The following TNFRSF1A variants were observed in gnomAD, a reference collection of about 807,000 sequenced individuals.
The protein encoded by TNFRSF1A is TNF receptor superfamily member 1A, also known as tumor necrosis factor receptor superfamily member 1A.
TNFRSF1A carries 9 observed loss-of-function variants against 41.6 expected under a neutral mutation model. The observed-to-expected ratio is 0.22, with a 90% CI of 0.13 to 0.38. The LOEUF (loss-of-function observed/expected upper bound fraction) is 0.38, where lower values mean the gene tolerates loss of function less well. Ranked by LOEUF, TNFRSF1A falls within the 10% of genes least tolerant of loss-of-function variation. The probability of loss-of-function intolerance (pLI) is 1.00; values close to 1 mark genes in which losing one functional copy is unlikely to be tolerated. For synonymous variants in TNFRSF1A, 254 were observed against 248.6 expected, an observed-to-expected ratio of 1.02 and a Z score of -0.21; for missense variants, 463 against 591.5, an observed-to-expected ratio of 0.78 and a Z score of 2.25.
rs958737711 is a variant in TNFRSF1A at position 6,337,361 on chromosome 12, C to G, written c.40-3117G>C. On this transcript the variant is annotated intron_variant, in intron 1 of 9. Coordinates refer to ENST00000162749, the MANE Select transcript of TNFRSF1A (RefSeq NM_001065.4). This position sits in a 1 kb window ranked among gnomAD's most constrained non-coding sequence, Gnocchi z 4.6. The stretch of plus-strand genomic sequence containing the variant: ...GCCCAACACCCCTCCAACTCCCCCA[C>G]AATTTCCGCCAGAGGAGGCTTTAAA... Among the ~76,000 whole-genome samples the G allele has an allele frequency of 2.6e-5, 4 of 152,230 alleles. No individual in the cohort carries two copies. The highest frequency in any genetic ancestry group is 9.6e-5 in the African/African-American group (4 of 41,464).
intron 1 of TNFRSF1A, among the ~76,000 whole-genome samples, chr12:6,340,282 C>G (rs1948177978): frequency 6.6e-6 from 1 of 152,176 alleles, no homozygotes; most frequent in Admixed American, 6.5e-5. Flanking sequence ...TCAGTCTATT[C>G]AATCTTCAAA....
chr12:6,329,536 C>G lies in TNFRSF1A; in HGVS notation c.1144G>C (p.Asp382His), dbSNP rs761189519. The G allele has an allele frequency of 6.3e-7, 1 of 1,594,502 alleles. No homozygotes were observed. Among genetic ancestry groups the G allele is most frequent in the Non-Finnish European group, 8.5e-7 (1 of 1,177,844 alleles). ...AGCTCCAGCCGATCGATCTCGTGGTCGCTCAGCCCTAGGCGCCGCACGAAT... is the reference window on the plus strand; with the variant it reads ...AGCTCCAGCCGATCGATCTCGTGGTGGCTCAGCCCTAGGCGCCGCACGAAT... The part of the protein sequence containing the change: ...KEFVRRLGLS[D>H]HEIDRLELQN... Residue 382 changes from aspartate to histidine, a missense_variant, in exon 10 of 10, where the codon GAC (aspartate) becomes CAC (histidine). Physicochemically the swap from Asp to His is moderately conservative, Grantham distance 81. Transcript: ENST00000162749.
Position 6,334,217 on chromosome 12 carries a change from A to G in TNFRSF1A, c.67T>C (p.Tyr23His). Residue 23 changes from tyrosine (Y) to histidine (H), a missense_variant, in exon 2 of 10, where the codon TAC (tyrosine) becomes CAC (histidine). Tyr to His is a moderately conservative substitution (Grantham distance 83, BLOSUM62 2). Coordinates refer to ENST00000162749, the MANE Select transcript of TNFRSF1A (RefSeq NM_001065.4). This position sits in a 1 kb window ranked among gnomAD's most constrained non-coding sequence, Gnocchi z 5.1. The part of the protein sequence containing the change: ...LVLLELLVGI[Y>H]PSGVIGLVPH... ...ACCAGTCCAATAACCCCTGAGGGGT[A>G]TATTCCCACCAACAGCTCCAGGAGC... The G allele has an allele frequency of 6.2e-7, 1 of 1,613,830 alleles. No individual in the cohort carries two copies. Among genetic ancestry groups the G allele is most frequent in the Non-Finnish European group, 8.5e-7 (1 of 1,179,766 alleles).
chr12:6,331,349 G>T, intron 5 of TNFRSF1A: 1 of 287,728 alleles, frequency 3.5e-6, no homozygotes, highest in Non-Finnish European at 6.8e-6. Context: ...TTATGGGATT[G>T]TTGTTTCATC....
At chr12:6,340,833 A>G (rs373688522) in intron 1 of TNFRSF1A, among the ~76,000 whole-genome samples, 2 of 152,310 alleles carry the variant, frequency 1.3e-5, no homozygotes, top group African/African-American at 4.8e-5. Context: ...CCGGACCAAG[A>G]CGTGGAGGAC....
At position 6,341,121 on chromosome 12, in the gene TNFRSF1A, G is replaced by A. The variant is rs934641217; in HGVS notation, c.39+655C>T. Among the ~76,000 whole-genome samples the A allele has an allele frequency of 4.6e-5, 7 of 152,156 alleles. No homozygotes were observed. Among genetic ancestry groups the A allele is most frequent in the African/African-American group, 1.7e-4 (7 of 41,424 alleles). On this transcript the variant is annotated intron_variant, in intron 1 of 9. Transcript: ENST00000162749. The surrounding 1 kb of genome is among the most constrained non-coding windows in gnomAD (Gnocchi z 4.6). ...GGGTAAAGAATGTCCCCAGGTGAGA[G>A]GCCGGGGCTTGGCCAGGGCACTGGG...
Position 6,334,224 on chromosome 12 carries a change from C to A in TNFRSF1A, c.60G>T (p.Val20=), listed in dbSNP as rs778929455. 1 of 1,613,694 alleles carries A rather than the reference C, an allele frequency of 6.2e-7. No individual in the cohort carries two copies. Among genetic ancestry groups the A allele is most frequent in the Non-Finnish European group, 8.5e-7 (1 of 1,179,708 alleles). Reference sequence around the variant, plus strand: ...CAATAACCCCTGAGGGGTATATTCCCACCAACAGCTCCAGGAGCACCTGGG... The same window carrying A: ...CAATAACCCCTGAGGGGTATATTCCAACCAACAGCTCCAGGAGCACCTGGG... ...LLPLVLLELL[V]GIYPSGVIGL... is the part of the protein sequence containing the mutation. Residue 20 remains valine (V), a synonymous_variant, in exon 2 of 10, where the codon GTG becomes GTT. Transcript: ENST00000162749. The surrounding 1 kb of genome is among the most constrained non-coding windows in gnomAD (Gnocchi z 5.1).
intron 1 of TNFRSF1A, among the ~76,000 whole-genome samples, chr12:6,336,667 G>A (rs1172225478): frequency 6.6e-6 from 1 of 152,118 alleles, no homozygotes; most frequent in African/African-American, 2.4e-5. Flanking sequence ...TCAGGTCTGT[G>A]CCCTCCCTTC....
At position 6,329,317 on chromosome 12, in the gene TNFRSF1A, T is replaced by G. The variant is rs1236501292; in HGVS notation, c.1363A>C (p.Arg455=). 10 of 1,473,528 alleles carry G rather than the reference T, an allele frequency of 6.8e-6. No homozygotes were observed. The highest frequency in any genetic ancestry group is 8.9e-6 in the Non-Finnish European group (10 of 1,121,936). 91.3% of individuals were successfully genotyped at this position (1,473,528 alleles called of 1,614,324 possible). A position where few individuals can be genotyped will look rare whatever the true frequency, so the allele number is the denominator to read the frequency against. ...CTGCCCGCAGGGGCGCAGCCTCATC[T>G]GAGAAGACTGGGCGCGGGCGGGAGG... ...AALPPAPSLL[R] is the part of the protein sequence containing the mutation. The change falls in exon 10 of 10, where the codon AGA becomes CGA. Residue 455 remains arginine, a synonymous_variant. Transcript: ENST00000162749.
chr12:6,339,841 TCACACACA>T (rs57599695), intron 1 of TNFRSF1A, among the ~76,000 whole-genome samples: 36 of 113,738 alleles, frequency 3.2e-4, no homozygotes, highest in African/African-American at 1.2e-3. Context: ...TCTCTCTCTC[TCACACACA>T]CACACACACA....
chr12:6,330,419 G>A (rs1424264672), intron 7 of TNFRSF1A, 124 bp from the exon 8 acceptor site: 1 of 1,083,680 alleles, frequency 9.2e-7, no homozygotes, highest in African/African-American at 1.5e-5. Flanking sequence ...CCAGGGACGA[G>A]AGAGCTACTG....
Position 6,334,691 on chromosome 12 carries a change from G to A in TNFRSF1A, c.40-447C>T, listed in dbSNP as rs746122600. Among the ~76,000 whole-genome samples the A allele has an allele frequency of 6.6e-6, 1 of 152,002 alleles. No individual in the cohort carries two copies. Among genetic ancestry groups the A allele is most frequent in the South Asian group, 2.1e-4 (1 of 4,826 alleles). On this transcript the variant is annotated intron_variant, in intron 1 of 9. Coordinates refer to ENST00000162749, the MANE Select transcript of TNFRSF1A (RefSeq NM_001065.4). The surrounding 1 kb of genome is among the most constrained non-coding windows in gnomAD (Gnocchi z 5.1). The stretch of plus-strand genomic sequence containing the variant: ...TTTTTTTTATTTTTAGTAGAGGCAG[G>A]GTCTTGTTACGTTGCTCAGACTGGT...
At position 6,334,070 on chromosome 12, in the gene TNFRSF1A, A is replaced by G; in HGVS notation, c.193+21T>C. On this transcript the variant is annotated intron_variant, in intron 2 of 9. Coordinates refer to ENST00000162749, the MANE Select transcript of TNFRSF1A (RefSeq NM_001065.4). The surrounding 1 kb of genome is among the most constrained non-coding windows in gnomAD (Gnocchi z 5.1). ...CAGCACCCCAGACCTGAGGGCATTC[A>G]CCGTTTCCACTTGCCCCTACCTTTG... 2 of 1,614,144 alleles carry G rather than the reference A, an allele frequency of 1.2e-6. No individual in the cohort carries two copies. Among genetic ancestry groups the G allele is most frequent in the Non-Finnish European group, 1.7e-6 (2 of 1,180,006 alleles).
chr12:6,334,247 G>A lies in TNFRSF1A; in HGVS notation c.40-3C>T, dbSNP rs1313881595. ...CCCACCAACAGCTCCAGGAGCACCT[G>A]GGGAAGAATCAGATAGAGGAGACAC... On this transcript the variant is annotated splice_polypyrimidine_tract_variant and splice_region_variant and intron_variant, in intron 1 of 9. Transcript: ENST00000162749. The surrounding 1 kb of genome is among the most constrained non-coding windows in gnomAD (Gnocchi z 5.1). 8 of 1,612,682 alleles carry A rather than the reference G, an allele frequency of 5.0e-6. No individual in the cohort carries two copies. Among genetic ancestry groups the A allele is most frequent in the South Asian group, 2.2e-5 (2 of 91,030 alleles).
At position 6,330,048 on chromosome 12, in the gene TNFRSF1A, T is replaced by G; in HGVS notation, c.787A>C (p.Thr263Pro). ...PEKEGELEGT[T>P]TKPLAPNPSF... The stretch of plus-strand genomic sequence containing the variant: ...GGGTTTGGGGCCAGGGGCTTAGTAG[T>G]AGTTCCTTCAAGCTCCCCCTGAAAG... The change falls in exon 9 of 10, where the codon ACT becomes CCT. Residue 263 changes from threonine to proline, a missense_variant. Coordinates refer to ENST00000162749, the MANE Select transcript of TNFRSF1A (RefSeq NM_001065.4). 6.2e-7 allele frequency: 1 copy of G among 1,612,972 alleles called. No homozygotes were observed. Among genetic ancestry groups the G allele is most frequent in the Non-Finnish European group, 8.5e-7 (1 of 1,179,942 alleles).
At position 6,341,228 on chromosome 12, in the gene TNFRSF1A, C is replaced by T. The variant is rs1318530613; in HGVS notation, c.39+548G>A. ...CCTCCCACCATGAGCATCCCAAACCCACCACACCAGCCCATCCCCACTCCT... is the reference window on the plus strand; with the variant it reads ...CCTCCCACCATGAGCATCCCAAACCTACCACACCAGCCCATCCCCACTCCT... On this transcript the variant is annotated intron_variant, in intron 1 of 9. Transcript: ENST00000162749. This position sits in a 1 kb window ranked among gnomAD's most constrained non-coding sequence, Gnocchi z 4.6. 6.6e-6 allele frequency among the ~76,000 whole-genome samples: 1 copy of T among 152,150 alleles called. No individual in the cohort carries two copies. Among genetic ancestry groups the T allele is most frequent in the African/African-American group, 2.4e-5 (1 of 41,434 alleles).
rs1948069287 is a variant in TNFRSF1A, at chr12:6,332,926, A to T, written c.551+143T>A. 9 of 722,046 alleles carry T rather than the reference A, an allele frequency of 1.2e-5. No individual in the cohort carries two copies. In the Admixed American group the frequency reaches 1.9e-4, roughly 15 times the overall value. The allele number at this position is 722,046 out of a possible 1,614,324, so 44.7% of individuals were successfully genotyped here. A position where few individuals can be genotyped will look rare whatever the true frequency, so the allele number is the denominator to read the frequency against. ...AAGGGGAAGGACTGCCTGGTGTCTT[A>T]ACGAAGTGTCTCCTACTCAGCCAGT... On this transcript the variant is annotated intron_variant, in intron 5 of 9. Coordinates refer to ENST00000162749, the MANE Select transcript of TNFRSF1A (RefSeq NM_001065.4).
In TNFRSF1A at chr12:6,329,405, G is replaced by A; in HGVS notation, c.1275C>T (p.Leu425=). 4 of 1,567,754 alleles carry A rather than the reference G, an allele frequency of 2.6e-6. No individual in the cohort carries two copies. Among genetic ancestry groups the A allele is most frequent in the South Asian group, 1.1e-5 (1 of 87,670 alleles). Residue 425 remains leucine (L), a synonymous_variant, in exon 10 of 10, where the codon CTC becomes CTT. Coordinates refer to ENST00000162749, the MANE Select transcript of TNFRSF1A (RefSeq NM_001065.4). The part of the protein sequence containing the change: ...EATLELLGRV[L]RDMDLLGCLE... ...GGCAGCCCAGCAGGTCCATGTCGCGGAGCACGCGTCCCAGCAGCTCCAGCG... is the reference window on the plus strand; with the variant it reads ...GGCAGCCCAGCAGGTCCATGTCGCGAAGCACGCGTCCCAGCAGCTCCAGCG...
At position 6,333,602 on chromosome 12, in the gene TNFRSF1A, T is replaced by C; in HGVS notation, c.323-86A>G. 1.3e-6 allele frequency: 2 copies of C among 1,594,482 alleles called. No homozygotes were observed. The highest frequency in any genetic ancestry group is 2.2e-5 in the South Asian group (2 of 89,276). ...TGACATACCCCTAAGTGTGTGTCTC[T>C]GTAATACACACTCACATCCATGCAG... On this transcript the variant is annotated intron_variant, in intron 3 of 9. Coordinates refer to ENST00000162749, the MANE Select transcript of TNFRSF1A (RefSeq NM_001065.4). This position sits in a 1 kb window ranked among gnomAD's most constrained non-coding sequence, Gnocchi z 6.3.
Sources: allele counts gnomAD v4.1 joint callset (sites outside exome capture counted in the v4.1 genomes callset), GRCh38; gene constraint gnomAD v4.1.1; non-coding constraint Gnocchi (gnomAD v3.1); transcripts MANE v1.5; gene names NCBI Gene and HGNC (gene_info 2026-07-23, HGNC 2026-07-21).